DNA2: variants seen among roughly 807,000 people sequenced by gnomAD.
DNA2 encodes the protein DNA replication ATP-dependent helicase/nuclease DNA2.
DNA2 carries 101 observed loss-of-function variants against 119.1 expected under a neutral mutation model. The ratio of observed to expected loss-of-function variants is 0.85; its 90% CI spans 0.72 to 1.00. The LOEUF is 1.00. DNA2 is among the 50% of genes least tolerant of loss of function. The probability of loss-of-function intolerance (pLI) is 0.00; values close to 1 mark genes in which losing one functional copy is unlikely to be tolerated. For synonymous variants in DNA2, 366 were observed against 424.4 expected (o/e 0.86, Z 1.69); for missense variants, 1,121 against 1,255.5 (o/e 0.89, Z 1.62).
chr10:68,447,558 G>A (rs1013184496), intron 6 of DNA2, among the ~76,000 whole-genome samples: 5 of 149,514 alleles, frequency 3.3e-5, no homozygotes, highest in Non-Finnish European at 5.9e-5. Flanking sequence ...GCATGGTGAT[G>A]TGCGTCCATA....
At position 68,422,990 on chromosome 10, in the gene DNA2, A is replaced by G. The variant is rs1442134999; in HGVS notation, c.2209-100T>C. 3.6e-6 allele frequency: 3 copies of G among 836,460 alleles called. No individual in the cohort carries two copies. In the South Asian group the frequency reaches 6.5e-5, roughly 18 times the overall value. The allele number at this position is 836,460 out of a possible 1,614,324, so 51.8% of individuals were successfully genotyped here. A position where few individuals can be genotyped will look rare whatever the true frequency, so the allele number is the denominator to read the frequency against. Reference sequence around the variant, plus strand: ...GAAAAGATCAAAAGGTTTTTGTTCTATGGCATCAGGAATCCTTCGATATTA... The same window carrying G: ...GAAAAGATCAAAAGGTTTTTGTTCTGTGGCATCAGGAATCCTTCGATATTA... On this transcript the variant is annotated intron_variant, in intron 14 of 20. Coordinates refer to ENST00000358410, the MANE Select transcript of DNA2 (RefSeq NM_001080449.3).
intron 14 of DNA2, among the ~76,000 whole-genome samples, chr10:68,423,286 T>TAA (rs34590075): frequency 4.9e-5 from 7 of 141,490 alleles, no homozygotes; most frequent in African/African-American, 1.8e-4. Flanking sequence ...GCATTATATA[T>TAA]AAAAAAAAAA....
rs59031291 is a variant in DNA2, at chr10:68,443,124, T to C, written c.1221-13A>G. ...TTGTTCAACTGCTCTAAATATAAAG[T>C]TCCAAGTTAGAGATGCTTATAAACC... On this transcript the variant is annotated splice_polypyrimidine_tract_variant and intron_variant, in intron 8 of 20. Coordinates refer to ENST00000358410, the MANE Select transcript of DNA2 (RefSeq NM_001080449.3). 2.1e-5 allele frequency: 32 copies of C among 1,544,048 alleles called. No homozygotes were observed. The East Asian group carries it at 5.8e-4, about 28-fold the overall frequency.
chr10:68,421,329 C>T (rs951346871), intron 17 of DNA2, among the ~76,000 whole-genome samples: 3 of 152,146 alleles, frequency 2.0e-5, no homozygotes, highest in Non-Finnish European at 4.4e-5. Context: ...GTATCAGTGC[C>T]ATTTCCTTTT....
In DNA2 at chr10:68,424,431, G is replaced by C. The variant is rs574502768; in HGVS notation, c.2209-1541C>G. 179 of 508,008 alleles carry C rather than the reference G, an allele frequency of 3.5e-4. 1 individual carries two copies. The highest frequency in any genetic ancestry group is 3.5e-3 in the South Asian group (173 of 50,110). 31.5% of individuals were successfully genotyped at this position (508,008 alleles called of 1,614,324 possible). On this transcript the variant is annotated intron_variant, in intron 14 of 20. Transcript: ENST00000358410. ...AGGCAGGAGGATCACTTGAGCCAAG[G>C]AGGTCGAGGCTGCAGTGAGCCTTGA...
At chr10:68,438,557 C>T (rs1164642976) in intron 9 of DNA2, among the ~76,000 whole-genome samples, 1 of 151,686 alleles carries the variant, frequency 6.6e-6, no homozygotes, top group African/African-American at 2.4e-5. Context: ...ATCTCTCTGG[C>T]AGCACTACTA....
At chr10:68,429,149 A>G (rs1484055251) in intron 14 of DNA2, among the ~76,000 whole-genome samples, 1 of 152,010 alleles carries the variant, frequency 6.6e-6, no homozygotes, top group African/African-American at 2.4e-5. Context: ...ACTCTATTAA[A>G]TCTAATCTTT....
rs2052381372 is a variant in DNA2 at position 68,471,568 on chromosome 10, G to GAACT, written c.74+219_74+222dup. Among the ~76,000 whole-genome samples, 2 of 152,094 alleles carry GAACT rather than the reference G, an allele frequency of 1.3e-5. 1 individual carries two copies. The highest frequency in any genetic ancestry group is 3.9e-4 in the East Asian group (2 of 5,174). On this transcript the variant is annotated intron_variant, in intron 1 of 20. Transcript: ENST00000358410. ...GAGAGGTGAAATCAAGGGAAACAAT[G>GAACT]AACTGCTCGGCGAGGGAGAGTCCAG...
intron 9 of DNA2, among the ~76,000 whole-genome samples, chr10:68,440,207 G>T (rs547465438): frequency 6.6e-6 from 1 of 152,058 alleles, no homozygotes; most frequent in South Asian, 2.1e-4. Context: ...GGGAGGCTGA[G>T]GCATGAGAAT....
intron 4 of DNA2, among the ~76,000 whole-genome samples, chr10:68,464,142 G>T (rs1472883789): frequency 6.6e-6 from 1 of 152,176 alleles, no homozygotes; most frequent in Admixed American, 6.6e-5. Context: ...TGACCATATG[G>T]TCTCACAAAG....
At chr10:68,454,631 C>T (rs1321816668) in intron 5 of DNA2, among the ~76,000 whole-genome samples, 1 of 151,858 alleles carries the variant, frequency 6.6e-6, no homozygotes, top group Non-Finnish European at 1.5e-5. Flanking sequence ...CATGGTGAAA[C>T]TCCGTCTCTA....
At chr10:68,437,669 A>AAAAACAAAAAC (rs143334813) in intron 9 of DNA2, among the ~76,000 whole-genome samples, 12,402 of 147,594 alleles carry the variant, frequency 0.084, 902 homozygotes, top group African/African-American at 0.2. Flanking sequence ...AAACAAAAAC[A>AAAAACAAAAAC]AAAACAAAAC....
chr10:68,423,987 AC>A (rs1490845987), intron 14 of DNA2, among the ~76,000 whole-genome samples: 1 of 152,202 alleles, frequency 6.6e-6, no homozygotes, highest in Non-Finnish European at 1.5e-5. Context: ...ATAATTAAAG[AC>A]GAACCAGGAA....
rs184922740 is a variant in DNA2, at chr10:68,444,068, C to T, written c.1220+853G>A. ...GGTCAGGAGTTCAAGACCAGCCTGG[C>T]CAACATGGTGAAACCCTATCTGTAT... On this transcript the variant is annotated intron_variant, in intron 8 of 20. Coordinates refer to ENST00000358410, the MANE Select transcript of DNA2 (RefSeq NM_001080449.3). 3.7e-3 allele frequency among the ~76,000 whole-genome samples: 558 copies of T among 152,156 alleles called. 7 individuals are homozygous for T. Among genetic ancestry groups the T allele is most frequent in the African/African-American group, 0.013 (537 of 41,526 alleles).
At position 68,445,073 on chromosome 10, in the gene DNA2, C is replaced by T; in HGVS notation, c.1068G>A (p.Lys356=). The part of the protein sequence containing the change: ...ANHLDKRELL[K]LRNQMAFSLF... ...ATGAGAATGCCATCTGGTTTCTTAG[C>T]TTTAATAATTCTATGAAAAAAAAGG... The change falls in exon 8 of 21, where the codon AAG becomes AAA. Residue 356 remains lysine (K), a synonymous_variant. Transcript: ENST00000358410. 1.3e-6 allele frequency: 2 copies of T among 1,592,754 alleles called. No individual in the cohort carries two copies. Among genetic ancestry groups the T allele is most frequent in the Non-Finnish European group, 8.6e-7 (1 of 1,169,554 alleles).
chr10:68,431,773 GC>G (rs1431831390), intron 13 of DNA2, 88 bp downstream of exon 13: 1 of 799,278 alleles, frequency 1.3e-6, no homozygotes, highest in African/African-American at 1.8e-5. Flanking sequence ...TTAAAATTCA[GC>G]CCTTTTGATA....
chr10:68,430,730 A>T, intron 13 of DNA2, 70 bp from the exon 14 acceptor site: 1 of 1,205,028 alleles, frequency 8.3e-7, no homozygotes. Flanking sequence ...TAACATGTTT[A>T]TAAACTTAAC....
In DNA2 at chr10:68,459,219, T is replaced by G; in HGVS notation, c.604A>C (p.Ser202Arg). The G allele has an allele frequency of 6.4e-7, 1 of 1,558,048 alleles. No homozygotes were observed. Among genetic ancestry groups the G allele is most frequent in the Admixed American group, 2.0e-5 (1 of 50,816 alleles). Residue 202 changes from serine to arginine, a missense_variant, in exon 5 of 21, where the codon AGT becomes CGT. Physicochemically the swap from Ser to Arg is moderately radical, Grantham distance 110. Transcript: ENST00000358410. ...ACTTCTTGTTTTATTTCATCTTGAC[T>G]TAGATTTAAGCGGTACCTGCCAAAA... ...HLKEMYRLNL[S>R]QDEIKQEVED...
At chr10:68,427,962 G>C (rs1236273383) in intron 14 of DNA2, among the ~76,000 whole-genome samples, 1 of 151,446 alleles carries the variant, frequency 6.6e-6, no homozygotes, top group Non-Finnish European at 1.5e-5. Context: ...GAACCTGGGA[G>C]GCAAAGGTTG....
Sources: allele counts gnomAD v4.1 joint callset (sites outside exome capture counted in the v4.1 genomes callset), GRCh38; gene constraint gnomAD v4.1.1; transcripts MANE v1.5; gene names NCBI Gene and HGNC (gene_info 2026-07-23, HGNC 2026-07-21).